ZSWIM6: variants seen among roughly 807,000 people sequenced by gnomAD.
ZSWIM6 encodes zinc finger SWIM-type containing 6, also known as zinc finger SWIM domain-containing protein 6.
In ZSWIM6, 9 loss-of-function variants were observed where a neutral mutation model predicts 113.2. The ratio of observed to expected loss-of-function variants is 0.08; its 90% CI spans 0.05 to 0.14. The LOEUF is 0.14. Among genes scored for constraint, ZSWIM6 ranks in the 10% least tolerant of loss-of-function variants. The pLI, the probability that ZSWIM6 is intolerant of heterozygous loss-of-function variation, is 1.00. For synonymous variants in ZSWIM6, 611 were observed against 606.5 expected, an observed-to-expected ratio of 1.01 and a Z score of -0.11; for missense variants, 1,162 against 1,552.2, an observed-to-expected ratio of 0.75 and a Z score of 4.22.
intron 4 of ZSWIM6, among the ~76,000 whole-genome samples, chr5:61,498,081 A>G (rs59648945): frequency 6.6e-6 from 1 of 152,152 alleles, no homozygotes; most frequent in Non-Finnish European, 1.5e-5. Flanking sequence ...CTAGACTGCA[A>G]TTTTACTTTG....
intron 3 of ZSWIM6, among the ~76,000 whole-genome samples, chr5:61,493,586 C>A (rs1748238267): frequency 6.6e-6 from 1 of 152,088 alleles, no homozygotes; most frequent in Non-Finnish European, 1.5e-5. Context: ...GTTGGAGAGT[C>A]AGGAAGGTGC....
At chr5:61,441,932 G>A (rs968542965) in intron 1 of ZSWIM6, among the ~76,000 whole-genome samples, 2 of 152,136 alleles carry the variant, frequency 1.3e-5, no homozygotes, top group African/African-American at 4.8e-5. Context: ...GACTTTATTT[G>A]GGTGCTGCTA....
intron 1 of ZSWIM6, among the ~76,000 whole-genome samples, chr5:61,355,164 T>G (rs1417271468): frequency 6.6e-6 from 1 of 152,164 alleles, no homozygotes; most frequent in Admixed American, 6.5e-5. Flanking sequence ...CAGTTTCCCT[T>G]GTCAAAGGAC....
intron 4 of ZSWIM6, among the ~76,000 whole-genome samples, chr5:61,520,867 G>A (rs1351819225): frequency 6.6e-6 from 1 of 152,030 alleles, no homozygotes; most frequent in Non-Finnish European, 1.5e-5. Context: ...TTGGACACTG[G>A]GATTGTATAT....
intron 1 of ZSWIM6, among the ~76,000 whole-genome samples, chr5:61,346,293 A>C (rs1744657434): frequency 6.6e-6 from 1 of 152,194 alleles, no homozygotes; most frequent in African/African-American, 2.4e-5. Flanking sequence ...TTTGGATGAC[A>C]GCAAGTTGGG....
chr5:61,543,666 G>T lies in ZSWIM6; in HGVS notation c.2997G>T (p.Ala999=). 1 of 1,551,708 alleles carries T rather than the reference G, an allele frequency of 6.4e-7. No individual in the cohort carries two copies. Among genetic ancestry groups the T allele is most frequent in the Non-Finnish European group, 8.7e-7 (1 of 1,146,996 alleles). The change falls in exon 14 of 14, where the codon GCG becomes GCT. Residue 999 remains alanine, a synonymous_variant. Coordinates refer to ENST00000252744, the MANE Select transcript of ZSWIM6 (RefSeq NM_020928.2). The surrounding 1 kb of genome is among the most constrained non-coding windows in gnomAD (Gnocchi z 4.3). The part of the protein sequence containing the change: ...MKDPQNCALS[A]LTLCEKDHIA... ...ATCCACAGAACTGTGCCCTCTCTGC[G>T]CTAACCCTTTGTGAAAAGGATCACA...
chr5:61,524,685 C>T (rs1467046419), intron 5 of ZSWIM6, among the ~76,000 whole-genome samples: 1 of 152,158 alleles, frequency 6.6e-6, no homozygotes, highest in African/African-American at 2.4e-5. Context: ...TCCCTTATGT[C>T]TGTGCTCAGC....
At chr5:61,461,337 A>G (rs1433108660) in intron 1 of ZSWIM6, among the ~76,000 whole-genome samples, 5 of 152,230 alleles carry the variant, frequency 3.3e-5, no homozygotes, top group Non-Finnish European at 7.3e-5. Flanking sequence ...AATTTTTTAG[A>G]AATCATTCAT....
At chr5:61,403,969 A>C (rs1426997583) in intron 1 of ZSWIM6, among the ~76,000 whole-genome samples, 1 of 151,602 alleles carries the variant, frequency 6.6e-6, no homozygotes, top group Non-Finnish European at 1.5e-5. Flanking sequence ...TGACTTATTG[A>C]GGTCTCTTCA....
At chr5:61,400,078 A>G (rs1745913669) in intron 1 of ZSWIM6, among the ~76,000 whole-genome samples, 1 of 151,902 alleles carries the variant, frequency 6.6e-6, no homozygotes, top group Admixed American at 6.6e-5. Context: ...TTACATCTCC[A>G]TTTGTCTGTG....
At chr5:61,418,137 A>G (rs182326272) in intron 1 of ZSWIM6, among the ~76,000 whole-genome samples, 1 of 152,342 alleles carries the variant, frequency 6.6e-6, no homozygotes, top group East Asian at 1.9e-4. Flanking sequence ...AATGTAGATT[A>G]TGCTAAAGGA....
At chr5:61,440,712 T>TG (rs1011195326) in intron 1 of ZSWIM6, among the ~76,000 whole-genome samples, 4 of 152,204 alleles carry the variant, frequency 2.6e-5, no homozygotes, top group Admixed American at 6.5e-5. Flanking sequence ...CATGAATGTT[T>TG]GGGGCGTTCA....
intron 1 of ZSWIM6, among the ~76,000 whole-genome samples, chr5:61,384,247 C>CAAAAAA (rs57899277): frequency 5.2e-5 from 4 of 77,512 alleles, no homozygotes; most frequent in Admixed American, 1.4e-4. Flanking sequence ...GACTCCGTCT[C>CAAAAAA]AAAAAAAAAA....
At chr5:61,397,121 T>G (rs1460944608) in intron 1 of ZSWIM6, among the ~76,000 whole-genome samples, 2 of 152,230 alleles carry the variant, frequency 1.3e-5, no homozygotes, top group East Asian at 3.8e-4. Context: ...GTTTGTTGTA[T>G]GAAATAACCA....
chr5:61,441,400 G>C (rs1746830810), intron 1 of ZSWIM6, among the ~76,000 whole-genome samples: 1 of 152,136 alleles, frequency 6.6e-6, no homozygotes, highest in African/African-American at 2.4e-5. Flanking sequence ...CTGTGTTTAG[G>C]AGTGATAAGG....
At chr5:61,355,082 A>G (rs1207819435) in intron 1 of ZSWIM6, among the ~76,000 whole-genome samples, 1 of 152,102 alleles carries the variant, frequency 6.6e-6, no homozygotes, top group South Asian at 2.1e-4. Context: ...TGTGACTGAT[A>G]TTTTTTGTTT....
At chr5:61,442,814 G>A (rs1477103547) in intron 1 of ZSWIM6, among the ~76,000 whole-genome samples, 1 of 152,170 alleles carries the variant, frequency 6.6e-6, no homozygotes, top group Non-Finnish European at 1.5e-5. Context: ...GAGAAATTAG[G>A]CAGAGGGAGA....
chr5:61,427,773 G>A (rs891470838), intron 1 of ZSWIM6, among the ~76,000 whole-genome samples: 1 of 152,038 alleles, frequency 6.6e-6, no homozygotes, highest in Non-Finnish European at 1.5e-5. Context: ...GTGCCACCAT[G>A]CCAGGATCCC....
intron 4 of ZSWIM6, among the ~76,000 whole-genome samples, chr5:61,510,313 A>C (rs908650140): frequency 6.6e-6 from 1 of 152,004 alleles, no homozygotes; most frequent in Admixed American, 6.6e-5. Flanking sequence ...ACATTTGCCG[A>C]GTATGGGTTC....
Sources: gnomAD v4.1 joint callset for allele counts (sites outside exome capture counted in the v4.1 genomes callset) on GRCh38, gnomAD v4.1.1 for gene constraint, Gnocchi (gnomAD v3.1) non-coding constraint, MANE v1.5 for transcripts, NCBI Gene and HGNC (gene_info 2026-07-23, HGNC 2026-07-21) for gene names.